The following AHCYL2 variants were observed in gnomAD, a reference collection of about 807,000 sequenced individuals.
AHCYL2 encodes the protein S-adenosylhomocysteine hydrolase-like protein 2.
AHCYL2 carries 28 observed loss-of-function variants against 81.4 expected under a neutral mutation model. That is an observed-to-expected ratio of 0.34 (90% CI 0.25 to 0.47). The LOEUF (loss-of-function observed/expected upper bound fraction) is 0.47, where lower values mean the gene tolerates loss of function less well. Among genes scored for constraint, AHCYL2 ranks in the 20% least tolerant of loss-of-function variants. AHCYL2 has a pLI of 1.00. For synonymous variants in AHCYL2, 272 were observed against 290.2 expected (o/e 0.94, Z 0.64); for missense variants, 551 against 785.1 (o/e 0.70, Z 3.56).
chr7:129,284,599 CAAA>C (rs1232402820), intron 1 of AHCYL2, among the ~76,000 whole-genome samples: 4 of 53,346 alleles, frequency 7.5e-5, no homozygotes, highest in African/African-American at 1.4e-4. Context: ...GACTTCGTCT[CAAA>C]AAAAAAAAAA....
rs549468765 is a variant in AHCYL2 at position 129,385,190 on chromosome 7, G to A, written c.476-3866G>A. On this transcript the variant is annotated intron_variant, in intron 2 of 16. Coordinates refer to ENST00000325006, the MANE Select transcript of AHCYL2 (RefSeq NM_015328.4). ...ATTTTTCCAAACAACAAAATTTTGT[G>A]TTTGTATTTGGGATGCTAGCATAGC... Among the ~76,000 whole-genome samples, 205 of 152,308 alleles carry A rather than the reference G, an allele frequency of 1.3e-3. 1 individual carries two copies. In the South Asian group the frequency reaches 0.021, roughly 15 times the overall value.
intron 1 of AHCYL2, among the ~76,000 whole-genome samples, chr7:129,266,469 CAGTGAGCCG>C (rs1795814520): frequency 6.6e-6 from 1 of 151,644 alleles, no homozygotes; most frequent in African/African-American, 2.4e-5. Flanking sequence ...AGAGAGGTTG[CAGTGAGCCG>C]AGATCTCACA....
At chr7:129,301,588 G>A (rs1046153860) in intron 1 of AHCYL2, among the ~76,000 whole-genome samples, 1 of 152,176 alleles carries the variant, frequency 6.6e-6, no homozygotes, top group African/African-American at 2.4e-5. Flanking sequence ...TGGATATCCA[G>A]TTTTCCCAGC....
chr7:129,294,267 C>CA (rs1184493324), intron 1 of AHCYL2, among the ~76,000 whole-genome samples: 1 of 151,874 alleles, frequency 6.6e-6, no homozygotes, highest in Non-Finnish European at 1.5e-5. Flanking sequence ...AGATTGATGC[C>CA]AAAAAATCCC....
chr7:129,413,904 T>C (rs779792455), intron 12 of AHCYL2, among the ~76,000 whole-genome samples: 1 of 152,238 alleles, frequency 6.6e-6, no homozygotes, highest in Non-Finnish European at 1.5e-5. Flanking sequence ...TCATCTTCTA[T>C]TCAAGCTCGA....
At chr7:129,356,101 C>G (rs1364996454) in intron 1 of AHCYL2, among the ~76,000 whole-genome samples, 1 of 152,148 alleles carries the variant, frequency 6.6e-6, no homozygotes, top group East Asian at 1.9e-4. Context: ...AAACCTTTGT[C>G]TAGATCCTGC....
intron 1 of AHCYL2, among the ~76,000 whole-genome samples, chr7:129,340,651 C>A (rs1217322009): frequency 1.3e-5 from 2 of 151,224 alleles, no homozygotes; most frequent in Admixed American, 6.6e-5. Flanking sequence ...TCCAATTCTT[C>A]TGTTGAAATT....
At chr7:129,234,898 C>A (rs1374187345) in intron 1 of AHCYL2, among the ~76,000 whole-genome samples, 1 of 152,172 alleles carries the variant, frequency 6.6e-6, no homozygotes, top group Non-Finnish European at 1.5e-5. Context: ...TTTTGAAAAC[C>A]CTGTCCTTTG....
intron 1 of AHCYL2, among the ~76,000 whole-genome samples, chr7:129,226,555 G>GT (rs1794228125): frequency 6.6e-6 from 1 of 152,204 alleles, no homozygotes; most frequent in Non-Finnish European, 1.5e-5. Context: ...GACGGGAAGT[G>GT]TGCATTGGTT....
In AHCYL2 at chr7:129,280,178, C is replaced by CTTTTTTTTTTTTTT. The variant is rs59849233; in HGVS notation, c.363+54750_363+54751insTTTTTTTTTTTTTT. On this transcript the variant is annotated intron_variant, in intron 1 of 16. Transcript: ENST00000325006. ...TTATAGTCTTTAAGTTTGCTAAATA[C>CTTTTTTTTTTTTTT]TTTTTTTTTTTGAGAGAGTCTCGCT... 8.8e-3 allele frequency among the ~76,000 whole-genome samples: 985 copies of CTTTTTTTTTTTTTT among 112,446 alleles called. 40 individuals carry two copies. Among genetic ancestry groups the CTTTTTTTTTTTTTT allele is most frequent in the East Asian group, 0.031 (109 of 3,570 alleles). 73.8% of individuals were successfully genotyped at this position (112,446 alleles called of 152,430 possible). A position where few individuals can be genotyped will look rare whatever the true frequency, so the allele number is the denominator to read the frequency against.
At chr7:129,279,631 T>C (rs1377213029) in intron 1 of AHCYL2, among the ~76,000 whole-genome samples, 1 of 152,174 alleles carries the variant, frequency 6.6e-6, no homozygotes, top group African/African-American at 2.4e-5. Context: ...GAATGGCTGC[T>C]TCATAAGCAG....
At position 129,333,859 on chromosome 7, in the gene AHCYL2, C is replaced by T. The variant is rs560019390; in HGVS notation, c.364-45779C>T. Among the ~76,000 whole-genome samples, 13 of 152,276 alleles carry T rather than the reference C, an allele frequency of 8.5e-5. 1 individual carries two copies. The South Asian group carries it at 2.7e-3, about 32-fold the overall frequency. Reference sequence around the variant, plus strand: ...GAACTTATGTGTAAATATCCAAAAACATTTTTTTGAAAAAACATTTTTTTC... The same window carrying T: ...GAACTTATGTGTAAATATCCAAAAATATTTTTTTGAAAAAACATTTTTTTC... On this transcript the variant is annotated intron_variant, in intron 1 of 16. Transcript: ENST00000325006.
At chr7:129,379,584 C>A in intron 1 of AHCYL2, 54 bp from the exon 2 acceptor site, 1 of 1,363,652 alleles carries the variant, frequency 7.3e-7, no homozygotes, top group Non-Finnish European at 1.0e-6. Context: ...CCTTGAATTG[C>A]TGTCTCAAAA....
intron 1 of AHCYL2, among the ~76,000 whole-genome samples, chr7:129,246,122 G>A (rs1010769891): frequency 2.6e-5 from 4 of 151,230 alleles, no homozygotes; most frequent in Non-Finnish European, 5.9e-5. Context: ...GCAATGATGC[G>A]ATCTTGGCTC....
chr7:129,345,827 C>T (rs1202490984), intron 1 of AHCYL2, among the ~76,000 whole-genome samples: 3 of 152,006 alleles, frequency 2.0e-5, no homozygotes, highest in East Asian at 1.9e-4. Context: ...TCCAGGTTTC[C>T]GAAATAGAGG....
Position 129,338,131 on chromosome 7 carries a change from G to A in AHCYL2, c.364-41507G>A, listed in dbSNP as rs1268316846. ...ATATCTGTGGGACAGATTGCTAGAG[G>A]TGGAATTGCTGATTCCAAGGATGTA... On this transcript the variant is annotated intron_variant, in intron 1 of 16. Coordinates refer to ENST00000325006, the MANE Select transcript of AHCYL2 (RefSeq NM_015328.4). Among the ~76,000 whole-genome samples, 3 of 151,898 alleles carry A rather than the reference G, an allele frequency of 2.0e-5. No individual in the cohort carries two copies. The East Asian group carries it at 5.8e-4, about 29-fold the overall frequency.
At chr7:129,366,668 C>T (rs1019825709) in intron 1 of AHCYL2, among the ~76,000 whole-genome samples, 4 of 150,628 alleles carry the variant, frequency 2.7e-5, no homozygotes, top group Admixed American at 1.3e-4. Context: ...CCCAGCTACT[C>T]GGGAGGCTGA....
intron 1 of AHCYL2, among the ~76,000 whole-genome samples, chr7:129,277,800 A>G (rs1447797967): frequency 2.0e-5 from 3 of 152,162 alleles, no homozygotes; most frequent in African/African-American, 4.8e-5. Flanking sequence ...GCATAGTAGT[A>G]CCATCGTATG....
intron 10 of AHCYL2, among the ~76,000 whole-genome samples, chr7:129,408,574 A>T (rs1012614722): frequency 2.6e-5 from 4 of 152,180 alleles, no homozygotes; most frequent in Admixed American, 6.5e-5. Flanking sequence ...TAAGTTTGAG[A>T]TCCTTCTGGG....
Sources: gnomAD v4.1 joint callset for allele counts (sites outside exome capture counted in the v4.1 genomes callset) on GRCh38, gnomAD v4.1.1 for gene constraint, MANE v1.5 for transcripts, NCBI Gene and HGNC (gene_info 2026-07-23, HGNC 2026-07-21) for gene names.